The following KIF2C variants were observed in gnomAD, a reference collection of about 807,000 sequenced individuals.
The protein encoded by KIF2C is kinesin family member 2C.
In KIF2C, 34 loss-of-function variants were observed where a neutral mutation model predicts 97.4. That is an observed-to-expected ratio of 0.35 (90% CI 0.27 to 0.46). The LOEUF is 0.46. KIF2C is among the 20% of genes least tolerant of loss of function. The pLI, the probability that KIF2C is intolerant of heterozygous loss-of-function variation, is 1.00. For synonymous variants in KIF2C, 313 were observed against 318.2 expected (o/e 0.98, Z 0.17); for missense variants, 750 against 907.6 (o/e 0.83, Z 2.23).
chr1:44,745,332 C>G, intron 2 of KIF2C, among the ~76,000 whole-genome samples: 1 of 149,186 alleles, frequency 6.7e-6, no homozygotes, highest in South Asian at 2.1e-4. Flanking sequence ...TGCTTGCCAG[C>G]TTTTGCATTT....
chr1:44,752,648 G>A (rs1649590199), intron 5 of KIF2C, among the ~76,000 whole-genome samples: 1 of 152,316 alleles, frequency 6.6e-6, no homozygotes, highest in Admixed American at 6.5e-5. Context: ...GACCACGTAT[G>A]GGAAGTAATG....
Position 44,760,039 on chromosome 1 carries a change from T to C in KIF2C, c.1368-241T>C, listed in dbSNP as rs953138715. Among the ~76,000 whole-genome samples, 5 of 152,278 alleles carry C rather than the reference T, an allele frequency of 3.3e-5. No homozygotes were observed. The highest frequency in any genetic ancestry group is 6.5e-5 in the Admixed American group (1 of 15,288). On this transcript the variant is annotated intron_variant, in intron 14 of 20. Transcript: ENST00000372224. The surrounding 1 kb of genome is among the most constrained non-coding windows in gnomAD (Gnocchi z 4.2). The stretch of plus-strand genomic sequence containing the variant: ...ATCCTTCCCCGTGTCCTTCTAGGGC[T>C]CCAGGTCTGACAAAGGCCCTAGTCC...
Position 44,760,234 on chromosome 1 carries a change from A to G in KIF2C, c.1368-46A>G, listed in dbSNP as rs376666056. 4.6e-5 allele frequency: 73 copies of G among 1,574,788 alleles called. 1 individual carries two copies. The East Asian group carries it at 8.5e-4, about 18-fold the overall frequency. ...GAGAACTTCTGTGGACTTGGGTGCCATGGGGGCTGGTGACCACAGAATCTC... is the reference window on the plus strand; with the variant it reads ...GAGAACTTCTGTGGACTTGGGTGCCGTGGGGGCTGGTGACCACAGAATCTC... On this transcript the variant is annotated intron_variant, in intron 14 of 20. Coordinates refer to ENST00000372224, the MANE Select transcript of KIF2C (RefSeq NM_006845.4). The surrounding 1 kb of genome is among the most constrained non-coding windows in gnomAD (Gnocchi z 4.2).
rs183652184 is a variant in KIF2C at position 44,745,021 on chromosome 1, C to T, written c.166-2363C>T. Among the ~76,000 whole-genome samples, 69 of 152,146 alleles carry T rather than the reference C, an allele frequency of 4.5e-4. 1 individual carries two copies. The highest frequency in any genetic ancestry group is 3.4e-3 in the Middle Eastern group (1 of 294). On this transcript the variant is annotated intron_variant, in intron 2 of 20. Transcript: ENST00000372224. ...CCTGGCCAACGTGGTAAAACCCTGT[C>T]TCTACTAAAAATACAAAATTAGCTG...
intron 17 of KIF2C, 39 bp from the exon 18 acceptor site, chr1:44,762,306 AG>A (rs1275225121): frequency 1.9e-6 from 3 of 1,542,222 alleles, no homozygotes; most frequent in Non-Finnish European, 2.7e-6. Flanking sequence ...GTGAGTACCA[AG>A]GGGGTGCTGT....
Position 44,762,369 on chromosome 1 carries a change from G to A in KIF2C, c.1775G>A (p.Ser592Asn). ...AGGGTCAAGGAGCTGAGCCCCCACAGTGGGCCCAGTGGAGAGCAGTTGATT... is the reference window on the plus strand; with the variant it reads ...AGGGTCAAGGAGCTGAGCCCCCACAATGGGCCCAGTGGAGAGCAGTTGATT... ...ADRVKELSPHSGPSGEQLIQM... is the reference protein window; with the variant it reads ...ADRVKELSPHNGPSGEQLIQM... The change falls in exon 18 of 21, where the codon AGT becomes AAT. Residue 592 changes from serine (S) to asparagine (N), a missense_variant. Ser to Asn is a conservative substitution (Grantham distance 46, BLOSUM62 1). Transcript: ENST00000372224. The A allele has an allele frequency of 6.2e-7, 1 of 1,614,160 alleles. No individual in the cohort carries two copies. The highest frequency in any genetic ancestry group is 8.5e-7 in the Non-Finnish European group (1 of 1,180,016).
rs1650102681 is a variant in KIF2C, at chr1:44,760,810, T to G, written c.1683+108T>G. On this transcript the variant is annotated intron_variant, in intron 16 of 20. Transcript: ENST00000372224. The surrounding 1 kb of genome is among the most constrained non-coding windows in gnomAD (Gnocchi z 4.2). ...TGGAAGCTCAGCACTGCTGGCTGCC[T>G]GGGTTTCCAGGCTGTACCGTGACTG... is the stretch of plus-strand genomic sequence containing the variant. 1 of 896,214 alleles carries G rather than the reference T, an allele frequency of 1.1e-6. No individual in the cohort carries two copies. Among genetic ancestry groups the G allele is most frequent in the African/African-American group, 1.6e-5 (1 of 60,950 alleles). The allele number at this position is 896,214 out of a possible 1,614,324, so 55.5% of individuals were successfully genotyped here. A position where few individuals can be genotyped will look rare whatever the true frequency, so the allele number is the denominator to read the frequency against.
Position 44,750,464 on chromosome 1 carries a change from C to A in KIF2C, c.339C>A (p.Arg113=). 1 of 1,555,904 alleles carries A rather than the reference C, an allele frequency of 6.4e-7. No homozygotes were observed. Among genetic ancestry groups the A allele is most frequent in the Non-Finnish European group, 8.7e-7 (1 of 1,146,580 alleles). The change falls in exon 5 of 21, where the codon CGC becomes CGA. Residue 113 remains arginine, a synonymous_variant. Transcript: ENST00000372224. ...PKESLRSRST[R]MSTVSELRIT... is the part of the protein sequence containing the mutation. ...CAGGTCTTCGAAGCCGCTCCACTCGCATGTCCACTGTCTCAGAGCTTCGCA... is the reference window on the plus strand; with the variant it reads ...CAGGTCTTCGAAGCCGCTCCACTCGAATGTCCACTGTCTCAGAGCTTCGCA...
In KIF2C at chr1:44,747,491, T is replaced by A; in HGVS notation, c.267+6T>A. 6.2e-7 allele frequency: 1 copy of A among 1,602,754 alleles called. No individual in the cohort carries two copies. Among genetic ancestry groups the A allele is most frequent in the South Asian group, 1.1e-5 (1 of 88,354 alleles). ...AGGAAAATGTAACAATCCAGGTAGG[T>A]GCCTGTCATCTGGCTGCAGCCAGTG... On this transcript the variant is annotated splice_donor_region_variant and intron_variant, in intron 3 of 20. Transcript: ENST00000372224.
intron 2 of KIF2C, among the ~76,000 whole-genome samples, chr1:44,743,079 G>A (rs568752306): frequency 6.6e-5 from 10 of 152,302 alleles, no homozygotes; most frequent in East Asian, 3.9e-4. Context: ...CTTGGCAGCC[G>A]CAAAACAGCT....
intron 2 of KIF2C, among the ~76,000 whole-genome samples, 156 bp from the exon 3 acceptor site, chr1:44,747,228 G>A (rs1037212781): frequency 6.7e-6 from 1 of 150,130 alleles, no homozygotes; most frequent in Admixed American, 6.7e-5. Context: ...GAATTGCTTG[G>A]ACCCAGGAGG....
At chr1:44,752,694 A>G (rs150542995) in intron 5 of KIF2C, among the ~76,000 whole-genome samples, 5 of 152,278 alleles carry the variant, frequency 3.3e-5, no homozygotes, top group African/African-American at 1.2e-4. Context: ...TATTGAATCA[A>G]TCTGGTTAGT....
In KIF2C at chr1:44,766,876, T is replaced by C. The variant is rs1408799652; in HGVS notation, c.2022T>C (p.Tyr674=). 9 of 1,614,228 alleles carry C rather than the reference T, an allele frequency of 5.6e-6. No homozygotes were observed. The South Asian group carries it at 8.8e-5, about 16-fold the overall frequency. ...CTGAGATGACCGAGCAGCCAGACTA[T>C]GACCTGGAGACCTTTGTGAACAAAG... ...ELSEMTEQPD[Y]DLETFVNKAE... Residue 674 remains tyrosine (Y), a synonymous_variant, in exon 20 of 21, where the codon TAT becomes TAC. Coordinates refer to ENST00000372224, the MANE Select transcript of KIF2C (RefSeq NM_006845.4).
chr1:44,751,253 T>TGG (rs1189734605), intron 5 of KIF2C, among the ~76,000 whole-genome samples: 4 of 152,156 alleles, frequency 2.6e-5, no homozygotes, highest in African/African-American at 9.7e-5. Flanking sequence ...TGGAGTGCAA[T>TGG]GGCGTGGTCT....
chr1:44,766,538 G>T (rs904962736), intron 19 of KIF2C, among the ~76,000 whole-genome samples: 1 of 152,120 alleles, frequency 6.6e-6, no homozygotes, highest in Non-Finnish European at 1.5e-5. Flanking sequence ...TTAAACTCGG[G>T]GGGTGGAGGC....
intron 10 of KIF2C, 75 bp downstream of exon 10, chr1:44,756,312 T>A: frequency 7.0e-7 from 1 of 1,427,544 alleles, no homozygotes; most frequent in Non-Finnish European, 9.8e-7. Context: ...GTGGTAACAC[T>A]ACTCACAGAC....
At position 44,762,661 on chromosome 1, in the gene KIF2C, A is replaced by G; in HGVS notation, c.1971+3A>G. 1.2e-6 allele frequency: 2 copies of G among 1,603,622 alleles called. No homozygotes were observed. The highest frequency in any genetic ancestry group is 1.7e-6 in the Non-Finnish European group (2 of 1,170,700). The stretch of plus-strand genomic sequence containing the variant: ...AAGAGCTCAAGGAGATCATACAGGT[A>G]GGCAGCTGGCCCTGGACAGGGAGCT... On this transcript the variant is annotated splice_donor_region_variant and intron_variant, in intron 19 of 20. Coordinates refer to ENST00000372224, the MANE Select transcript of KIF2C (RefSeq NM_006845.4).
At position 44,757,514 on chromosome 1, in the gene KIF2C, C is replaced by G. The variant is rs757164070; in HGVS notation, c.978-42C>G. 25 of 1,286,172 alleles carry G rather than the reference C, an allele frequency of 1.9e-5. No homozygotes were observed. In the East Asian group the frequency reaches 5.8e-4, roughly 30 times the overall value. 79.7% of individuals were successfully genotyped at this position (1,286,172 alleles called of 1,614,324 possible). ...GGGTGGCAGGACATGTTCCAGGGAG[C>G]ACAGTTTGGGAACAGATACAAATAC... is the stretch of plus-strand genomic sequence containing the variant. On this transcript the variant is annotated intron_variant, in intron 10 of 20. Coordinates refer to ENST00000372224, the MANE Select transcript of KIF2C (RefSeq NM_006845.4).
chr1:44,758,091 A>C lies in KIF2C; in HGVS notation c.1175A>C (p.Lys392Thr). 1 of 1,614,188 alleles carries C rather than the reference A, an allele frequency of 6.2e-7. No homozygotes were observed. Among genetic ancestry groups the C allele is most frequent in the East Asian group, 2.2e-5 (1 of 44,886 alleles). ...FLLKNQPCYRKLGLEVYVTFF... is the reference protein window; with the variant it reads ...FLLKNQPCYRTLGLEVYVTFF... Reference sequence around the variant, plus strand: ...CTGAAGAATCAACCCTGCTACCGGAAGTTGGGCCTGGAAGTCTATGTGACA... The same window carrying C: ...CTGAAGAATCAACCCTGCTACCGGACGTTGGGCCTGGAAGTCTATGTGACA... Residue 392 changes from lysine to threonine, a missense_variant, in exon 13 of 21, where the codon AAG (lysine) becomes ACG (threonine). Coordinates refer to ENST00000372224, the MANE Select transcript of KIF2C (RefSeq NM_006845.4).
Sources: gnomAD v4.1 joint callset for allele counts (sites outside exome capture counted in the v4.1 genomes callset) on GRCh38, gnomAD v4.1.1 for gene constraint, Gnocchi (gnomAD v3.1) non-coding constraint, MANE v1.5 for transcripts, NCBI Gene and HGNC (gene_info 2026-07-23, HGNC 2026-07-21) for gene names.